Variants in LAMA3 observed in about 807,000 individuals in gnomAD.
LAMA3 encodes the protein laminin subunit alpha 3.
A neutral mutation model predicts 402.0 loss-of-function variants in LAMA3; 281 were observed. The ratio of observed to expected loss-of-function variants is 0.70; its 90% confidence interval spans 0.63 to 0.77. The LOEUF is 0.77. Ranked by LOEUF, LAMA3 falls within the 30% of genes least tolerant of loss-of-function variation. The pLI is 0.00. For missense variants in LAMA3, 3,840 were observed against 4,215.5 expected (o/e 0.91, Z 2.47); for synonymous variants, 1,431 against 1,558.4 (o/e 0.92, Z 1.93).
At chr18:23,791,747 A>C (rs1275292651) in intron 12 of LAMA3, among the ~76,000 whole-genome samples, 68 of 151,608 alleles carry the variant, frequency 4.5e-4, no homozygotes, top group African/African-American at 1.6e-3. Context: ...AAAAAAAAAA[A>C]AAAAAAAAAC....
chr18:23,718,735 T>C (rs755949432), intron 2 of LAMA3, among the ~76,000 whole-genome samples: 38 of 152,336 alleles, frequency 2.5e-4, no homozygotes, highest in Non-Finnish European at 5.4e-4. Flanking sequence ...CTGGTCCCCC[T>C]CTGAGTGGCA....
At chr18:23,770,391 A>T (rs2062169285) in intron 8 of LAMA3, among the ~76,000 whole-genome samples, 1 of 151,844 alleles carries the variant, frequency 6.6e-6, no homozygotes, top group African/African-American at 2.4e-5. Context: ...AAAAAAAAAA[A>T]CCTCAAAAAA....
chr18:23,689,637 C>A lies in LAMA3; in HGVS notation c.-47C>A. 8.0e-7 allele frequency: 1 copy of A among 1,250,444 alleles called. No homozygotes were observed. Among genetic ancestry groups the A allele is most frequent in the Middle Eastern group, 3.1e-4 (1 of 3,246 alleles). 77.5% of individuals were successfully genotyped at this position (1,250,444 alleles called of 1,614,324 possible). ...CGCAGGCGGAGAGCGGCGGTGCCCC[C>A]GAGCCCCTCTGCGGACGGCTCAGGC... On this transcript the variant is annotated 5_prime_UTR_variant, in exon 1 of 75. Transcript: ENST00000313654.
chr18:23,763,544 A>G (rs1345228301), intron 8 of LAMA3, 21 bp downstream of exon 8: 1 of 1,360,780 alleles, frequency 7.3e-7, no homozygotes, highest in Non-Finnish European at 1.1e-6. Context: ...ATTTAAATCA[A>G]AGTGGATGTG....
intron 36 of LAMA3, among the ~76,000 whole-genome samples, chr18:23,865,677 T>C (rs2064338343): frequency 6.6e-6 from 1 of 152,160 alleles, no homozygotes; most frequent in Admixed American, 6.5e-5. Context: ...ATGGGAGTCA[T>C]GTGGTCTGAG....
chr18:23,794,711 C>T (rs141791399), intron 12 of LAMA3, among the ~76,000 whole-genome samples: 8 of 152,208 alleles, frequency 5.3e-5, no homozygotes, highest in Non-Finnish European at 1.0e-4. Context: ...TGAAAAGGGC[C>T]GTGGGAGTTA....
At chr18:23,823,109 A>G (rs1425260477) in intron 20 of LAMA3, among the ~76,000 whole-genome samples, 4 of 152,212 alleles carry the variant, frequency 2.6e-5, no homozygotes, top group African/African-American at 9.6e-5. Flanking sequence ...GAATGGGGGA[A>G]GAAATGATGT....
intron 43 of LAMA3, 111 bp from the exon 44 acceptor site, chr18:23,894,796 C>A: frequency 7.3e-7 from 1 of 1,367,338 alleles, no homozygotes; most frequent in Non-Finnish European, 1.0e-6. Context: ...CTGTGGTTGT[C>A]ACCCGTGACG....
chr18:23,792,398 G>A (rs775680196), intron 12 of LAMA3, among the ~76,000 whole-genome samples: 10 of 152,166 alleles, frequency 6.6e-5, no homozygotes, highest in Non-Finnish European at 1.2e-4. Flanking sequence ...GAGATCACAC[G>A]ATGAGACAGG....
intron 11 of LAMA3, among the ~76,000 whole-genome samples, chr18:23,779,101 A>G (rs1362656969): frequency 6.6e-6 from 1 of 152,126 alleles, no homozygotes; most frequent in African/African-American, 2.4e-5. Flanking sequence ...AAGTGGAGTG[A>G]GGGAAGGTGA....
At chr18:23,948,356 C>T (rs1025583040) in intron 70 of LAMA3, among the ~76,000 whole-genome samples, 1 of 152,192 alleles carries the variant, frequency 6.6e-6, no homozygotes, top group Admixed American at 6.5e-5. Context: ...CACATCCGAT[C>T]AGTGTCTGCC....
chr18:23,718,633 G>A (rs944592089), intron 2 of LAMA3, among the ~76,000 whole-genome samples: 2 of 152,164 alleles, frequency 1.3e-5, no homozygotes, highest in African/African-American at 2.4e-5. Flanking sequence ...GGGGAGTGAG[G>A]CCTGGAGACA....
At chr18:23,883,779 A>G (rs1346198291) in intron 40 of LAMA3, among the ~76,000 whole-genome samples, 1 of 152,146 alleles carries the variant, frequency 6.6e-6, no homozygotes, top group Non-Finnish European at 1.5e-5. Flanking sequence ...AAAGTTTTTC[A>G]TTTTCATTTG....
rs536244013 is a variant in LAMA3 at position 23,864,765 on chromosome 18, T to C, written c.4585-20T>C. 8 of 1,443,902 alleles carry C rather than the reference T, an allele frequency of 5.5e-6. No homozygotes were observed. Among genetic ancestry groups the C allele is most frequent in the African/African-American group, 4.2e-5 (3 of 71,744 alleles). 89.4% of individuals were successfully genotyped at this position (1,443,902 alleles called of 1,614,324 possible). ...TCTCTTTTAATGCTTGTGCTATTGA[T>C]GCTATTAATTCCATTTTAGGTTTCT... On this transcript the variant is annotated intron_variant, in intron 35 of 74. Coordinates refer to ENST00000313654, the MANE Select transcript of LAMA3 (RefSeq NM_198129.4).
chr18:23,740,819 G>A (rs1180031544), intron 2 of LAMA3, among the ~76,000 whole-genome samples: 1 of 152,110 alleles, frequency 6.6e-6, no homozygotes, highest in Middle Eastern at 3.2e-3. Flanking sequence ...AGTGTGGGAG[G>A]GGACTTAGGG....
intron 12 of LAMA3, among the ~76,000 whole-genome samples, chr18:23,806,596 G>T (rs1049394663): frequency 6.6e-6 from 1 of 152,146 alleles, no homozygotes. Flanking sequence ...TGGAATTTAG[G>T]GGTTCAGTGT....
chr18:23,835,244 C>T (rs551562787), intron 24 of LAMA3, among the ~76,000 whole-genome samples: 1 of 152,336 alleles, frequency 6.6e-6, no homozygotes, highest in East Asian at 1.9e-4. Context: ...GCTCCTTCCA[C>T]CTCCAGATCC....
intron 8 of LAMA3, among the ~76,000 whole-genome samples, chr18:23,770,715 C>A (rs1005921308): frequency 6.6e-6 from 1 of 152,054 alleles, no homozygotes. Flanking sequence ...GAGTCGAGAT[C>A]GCGCCACTGC....
intron 15 of LAMA3, 61 bp from the exon 16 acceptor site, chr18:23,815,127 C>G: frequency 6.8e-7 from 1 of 1,471,920 alleles, no homozygotes; most frequent in Non-Finnish European, 9.5e-7. Flanking sequence ...GTAATGTTCC[C>G]AGAGCCAGGA....
Sources: allele counts gnomAD v4.1 joint callset (sites outside exome capture counted in the v4.1 genomes callset), GRCh38; gene constraint gnomAD v4.1.1; transcripts MANE v1.5; gene names NCBI Gene and HGNC (gene_info 2026-07-23, HGNC 2026-07-21).